FAM117A: variants seen among roughly 807,000 people sequenced by gnomAD.
FAM117A encodes family with sequence similarity 117 member A, also known as protein FAM117A.
FAM117A carries 21 observed loss-of-function variants against 44.1 expected under a neutral mutation model. The ratio of observed to expected loss-of-function variants is 0.48; its 90% CI spans 0.34 to 0.69. FAM117A has a LOEUF of 0.69. FAM117A is among the 30% of genes least tolerant of loss of function. The pLI is 0.01. For missense variants in FAM117A, 498 were observed against 589.9 expected (o/e 0.84, Z 1.61); for synonymous variants, 220 against 238.3 (o/e 0.92, Z 0.71).
chr17:49,731,609 A>C (rs1436313448), intron 2 of FAM117A, among the ~76,000 whole-genome samples: 1 of 152,126 alleles, frequency 6.6e-6, no homozygotes, highest in African/African-American at 2.4e-5. Context: ...GGTACACTGA[A>C]ATCCCAGTCG....
chr17:49,753,428 A>C (rs1315567301), intron 1 of FAM117A, among the ~76,000 whole-genome samples: 1 of 152,202 alleles, frequency 6.6e-6, no homozygotes, highest in African/African-American at 2.4e-5. Context: ...ATGAAATGCC[A>C]CCTGCACCTG....
chr17:49,760,826 A>G, intron 1 of FAM117A, among the ~76,000 whole-genome samples: 1 of 152,204 alleles, frequency 6.6e-6, no homozygotes, highest in South Asian at 2.1e-4. Flanking sequence ...TTAAGACACA[A>G]AAGAGAATTT....
chr17:49,774,140 G>A (rs1479604247), intron 1 of FAM117A, among the ~76,000 whole-genome samples: 1 of 152,066 alleles, frequency 6.6e-6, no homozygotes, highest in Non-Finnish European at 1.5e-5. Flanking sequence ...CATTAACTCT[G>A]GTATTTCTTT....
chr17:49,749,877 G>C lies in FAM117A; in HGVS notation c.196+14015C>G, dbSNP rs1029582026. Among the ~76,000 whole-genome samples the C allele has an allele frequency of 2.6e-4, 39 of 148,282 alleles. 2 individuals carry two copies. The highest frequency in any genetic ancestry group is 9.5e-4 in the African/African-American group (39 of 41,080). The stretch of plus-strand genomic sequence containing the variant: ...CTCCTAAGAGGTGGCCTACTATAAC[G>C]GTCAATACCTGGGCTCACATCCTGC... On this transcript the variant is annotated intron_variant, in intron 1 of 7. Transcript: ENST00000240364.
intron 1 of FAM117A, among the ~76,000 whole-genome samples, chr17:49,744,354 A>G (rs1287932502): frequency 6.6e-6 from 1 of 152,108 alleles, no homozygotes; most frequent in Non-Finnish European, 1.5e-5. Flanking sequence ...ATCATAGTTC[A>G]TTGCAACCTC....
chr17:49,749,365 A>C (rs1455404497), intron 1 of FAM117A, among the ~76,000 whole-genome samples: 1 of 152,040 alleles, frequency 6.6e-6, no homozygotes, highest in East Asian at 1.9e-4. Context: ...TCACAAGGTC[A>C]GGAGATCAAG....
At chr17:49,752,949 C>T (rs914856944) in intron 1 of FAM117A, among the ~76,000 whole-genome samples, 2 of 151,504 alleles carry the variant, frequency 1.3e-5, no homozygotes, top group Admixed American at 6.6e-5. Flanking sequence ...CTGCAACCTT[C>T]GCCTCTGGAC....
At chr17:49,769,323 G>A (rs1301165380) in intron 1 of FAM117A, among the ~76,000 whole-genome samples, 1 of 151,494 alleles carries the variant, frequency 6.6e-6, no homozygotes, top group East Asian at 2.0e-4. Context: ...AAAATAAAAT[G>A]AAGATTCTCA....
intron 1 of FAM117A, among the ~76,000 whole-genome samples, chr17:49,755,038 C>CAA (rs199709334): frequency 2.3e-3 from 95 of 42,152 alleles, no homozygotes; most frequent in East Asian, 2.7e-3. Flanking sequence ...AACTCCGTCT[C>CAA]AAAAAAAAAA....
chr17:49,772,446 A>C (rs915816191), intron 1 of FAM117A, among the ~76,000 whole-genome samples: 1 of 152,078 alleles, frequency 6.6e-6, no homozygotes, highest in African/African-American at 2.4e-5. Flanking sequence ...TCTCTACTAA[A>C]AATTCAAAAA....
At chr17:49,780,993 G>A (rs1468719302) in intron 1 of FAM117A, among the ~76,000 whole-genome samples, 4 of 151,994 alleles carry the variant, frequency 2.6e-5, no homozygotes, top group African/African-American at 9.7e-5. Flanking sequence ...ACCATGCCCG[G>A]CTAATTTTTG....
rs892694573 is a variant in FAM117A at position 49,732,486 on chromosome 17, G to T, written c.366+65C>A. On this transcript the variant is annotated intron_variant, in intron 2 of 7. Transcript: ENST00000240364. ...CGCAATGACTTGAGGAAGACCAAAG[G>T]CCTCCTCAGCCAGCTCTCCCGCCCC... The T allele has an allele frequency of 1.8e-5, 26 of 1,480,034 alleles. No homozygotes were observed. In the South Asian group the frequency reaches 2.3e-4, roughly 13 times the overall value. 91.7% of individuals were successfully genotyped at this position (1,480,034 alleles called of 1,614,324 possible).
At chr17:49,727,463 G>A (rs2073565147) in intron 2 of FAM117A, among the ~76,000 whole-genome samples, 1 of 152,178 alleles carries the variant, frequency 6.6e-6, no homozygotes, top group Non-Finnish European at 1.5e-5. Flanking sequence ...CACTGGAACA[G>A]ATTTGACACC....
At chr17:49,769,993 C>T (rs939979351) in intron 1 of FAM117A, among the ~76,000 whole-genome samples, 1 of 151,980 alleles carries the variant, frequency 6.6e-6, no homozygotes, top group Non-Finnish European at 1.5e-5. Flanking sequence ...AATTTAGGAC[C>T]AGGCATGGTG....
chr17:49,712,813 G>A (rs147919963), intron 7 of FAM117A, among the ~76,000 whole-genome samples: 6 of 152,304 alleles, frequency 3.9e-5, no homozygotes, highest in Non-Finnish European at 7.4e-5. Flanking sequence ...CTTATCGGAA[G>A]ATCTGGGTTC....
At chr17:49,754,565 A>G (rs1242365497) in intron 1 of FAM117A, among the ~76,000 whole-genome samples, 3 of 151,784 alleles carry the variant, frequency 2.0e-5, no homozygotes, top group Non-Finnish European at 4.4e-5. Flanking sequence ...CAGCCTCCCA[A>G]AGTGCTAGGA....
intron 1 of FAM117A, among the ~76,000 whole-genome samples, chr17:49,746,141 ATATGTGGG>A (rs1405050633): frequency 6.6e-6 from 1 of 152,252 alleles, no homozygotes; most frequent in Non-Finnish European, 1.5e-5. Flanking sequence ...ATATATGTGC[ATATGTGGG>A]TATGTCTAGA....
At chr17:49,764,587 C>T (rs151277941), upstream of FAM117A, among the ~76,000 whole-genome samples, 29 of 152,202 alleles carry the variant, frequency 1.9e-4, no homozygotes, top group Middle Eastern at 3.4e-3. Flanking sequence ...CAGTTGAGTC[C>T]CTGAATCACA....
At chr17:49,788,715 C>T, upstream of FAM117A, 2 of 1,127,308 alleles carry the variant, frequency 1.8e-6, no homozygotes, top group South Asian at 1.6e-5. Flanking sequence ...GCAGGAGGCA[C>T]TAGGGATCGT....
Sources: gnomAD v4.1 joint callset for allele counts (sites outside exome capture counted in the v4.1 genomes callset) on GRCh38, gnomAD v4.1.1 for gene constraint, MANE v1.5 for transcripts, NCBI Gene and HGNC (gene_info 2026-07-23, HGNC 2026-07-21) for gene names.